Variants in WNK2 observed in about 807,000 individuals in gnomAD.
The protein encoded by WNK2 is WNK lysine deficient protein kinase 2.
In WNK2, 67 loss-of-function variants were observed where a neutral mutation model predicts 192.1. That is an observed-to-expected ratio of 0.35 (90% CI 0.29 to 0.43). The LOEUF is 0.43. Ranked by LOEUF, WNK2 falls within the 20% of genes least tolerant of loss-of-function variation. The pLI, the probability that WNK2 is intolerant of heterozygous loss-of-function variation, is 1.00. For missense variants in WNK2, 2,698 were observed against 3,089.7 expected (o/e 0.87, Z 3.01); for synonymous variants, 1,439 against 1,393.9 (o/e 1.03, Z -0.72).
In WNK2 at chr9:93,184,248, G is replaced by T. The variant is rs1828843382; in HGVS notation, c.-140G>T. On this transcript the variant is annotated 5_prime_UTR_variant, in exon 1 of 30. The change creates a new upstream start codon in the 5' untranslated region. Coordinates refer to ENST00000427277, the MANE Select transcript of WNK2 (RefSeq NM_006648.4). ...GCCCGGCCCGAGAGAGCAGCGCGCA[G>T]GAGCTGGAGCGGCGCCACGGCCCCC... Among the ~76,000 whole-genome samples, 2 of 150,800 alleles carry T rather than the reference G, an allele frequency of 1.3e-5. No individual in the cohort carries two copies. The highest frequency in any genetic ancestry group is 4.1e-4 in the South Asian group (2 of 4,830).
rs1250696951 is a variant in WNK2, at chr9:93,229,789, G to A, written c.775G>A (p.Asp259Asn). ...GCACCCCAACATCGTGCGCTTCTAC[G>A]ACTTCTGGGAGTCCAGCGCCAAGGG... ...LQHPNIVRFY[D>N]FWESSAKGKR... Residue 259 changes from aspartate (D) to asparagine (N), a missense_variant, in exon 3 of 30, where the codon GAC becomes AAC. Physicochemically the swap from Asp to Asn is conservative, Grantham distance 23. Coordinates refer to ENST00000427277, the MANE Select transcript of WNK2 (RefSeq NM_006648.4). This position sits in a 1 kb window ranked among gnomAD's most constrained non-coding sequence, Gnocchi z 4.9. The A allele has an allele frequency of 6.2e-7, 1 of 1,613,948 alleles. No individual in the cohort carries two copies. Among genetic ancestry groups the A allele is most frequent in the Non-Finnish European group, 8.5e-7 (1 of 1,179,872 alleles).
chr9:93,218,582 A>T (rs1391862311), intron 2 of WNK2, among the ~76,000 whole-genome samples: 1 of 151,970 alleles, frequency 6.6e-6, no homozygotes, highest in Non-Finnish European at 1.5e-5. Context: ...CCCCATTTTC[A>T]TTTCATCCTG....
At chr9:93,255,223 G>A (rs1042697880) in intron 9 of WNK2, among the ~76,000 whole-genome samples, 2 of 152,234 alleles carry the variant, frequency 1.3e-5, no homozygotes, top group Admixed American at 1.3e-4. Context: ...TTCCTGGGAT[G>A]GTTGCCATGG....
intron 19 of WNK2, among the ~76,000 whole-genome samples, chr9:93,274,562 A>G (rs949445949): frequency 1.3e-5 from 2 of 151,962 alleles, no homozygotes; most frequent in African/African-American, 2.4e-5. Context: ...TAAAAGACCA[A>G]TATCAGGAAT....
At chr9:93,226,368 TC>T (rs1837820061) in intron 2 of WNK2, among the ~76,000 whole-genome samples, 1 of 152,272 alleles carries the variant, frequency 6.6e-6, no homozygotes, top group African/African-American at 2.4e-5. Flanking sequence ...TAGTTTGACT[TC>T]CAGGCAGTTC....
At chr9:93,231,235 G>A (rs1322964228) in intron 4 of WNK2, 127 bp downstream of exon 4, 36 of 906,836 alleles carry the variant, frequency 4.0e-5, no homozygotes, top group South Asian at 6.2e-5. Context: ...GTCTGGGCAC[G>A]GGAGCCTCGG....
At chr9:93,320,338 A>C (rs1017189012) in intron 29 of WNK2, 29 bp from the exon 30 acceptor site, 1 of 1,367,252 alleles carries the variant, frequency 7.3e-7, no homozygotes, top group Non-Finnish European at 9.8e-7. Flanking sequence ...CGGTGGGCCC[A>C]CAGTCAGCTG....
At chr9:93,271,494 A>G (rs931759972) in intron 19 of WNK2, among the ~76,000 whole-genome samples, 4 of 152,270 alleles carry the variant, frequency 2.6e-5, no homozygotes, top group Non-Finnish European at 4.4e-5. Context: ...AATATAACTG[A>G]AAAAGCAATG....
intron 12 of WNK2, among the ~76,000 whole-genome samples, chr9:93,260,977 T>C (rs541054072): frequency 2.6e-5 from 4 of 152,276 alleles, no homozygotes; most frequent in Admixed American, 2.6e-4. Context: ...ACTGCCAGAC[T>C]CAGTGGCTGT....
At chr9:93,203,995 G>A (rs80291457) in intron 2 of WNK2, among the ~76,000 whole-genome samples, 4,645 of 152,214 alleles carry the variant, frequency 0.031, 107 homozygotes, top group Non-Finnish European at 0.05. Flanking sequence ...TGATGGGGCT[G>A]CGGGATGGCA....
At chr9:93,192,054 G>A (rs1830423378) in intron 2 of WNK2, among the ~76,000 whole-genome samples, 2 of 151,174 alleles carry the variant, frequency 1.3e-5, no homozygotes, top group Admixed American at 1.3e-4. Flanking sequence ...GGTGGCTCAT[G>A]CCTGTAATCC....
rs527809284 is a variant in WNK2, at chr9:93,184,887, G to C, written c.-2-41G>C. On this transcript the variant is annotated intron_variant, in intron 1 of 29. Coordinates refer to ENST00000427277, the MANE Select transcript of WNK2 (RefSeq NM_006648.4). ...TCCGGCGGCCTGGGCAGGTGCGGCAGGGCCGGCGCTCACGCGGGCCTGTGT... is the reference window on the plus strand; with the variant it reads ...TCCGGCGGCCTGGGCAGGTGCGGCACGGCCGGCGCTCACGCGGGCCTGTGT... The C allele has an allele frequency of 6.0e-5, 73 of 1,219,444 alleles. No homozygotes were observed. The South Asian group carries it at 2.4e-3, about 39-fold the overall frequency. 75.5% of individuals were successfully genotyped at this position (1,219,444 alleles called of 1,614,324 possible).
rs1845973894 is a variant in WNK2, at chr9:93,271,292, C to T, written c.4033+2546C>T. 2.0e-5 allele frequency among the ~76,000 whole-genome samples: 3 copies of T among 152,314 alleles called. No individual in the cohort carries two copies. The South Asian group carries it at 6.2e-4, about 32-fold the overall frequency. ...CTACTGAAGCAAAAATATTAACATT[C>T]ATCATAAGGTTTAAACAAGTCTCAG... On this transcript the variant is annotated intron_variant, in intron 19 of 29. Transcript: ENST00000427277.
intron 2 of WNK2, among the ~76,000 whole-genome samples, chr9:93,211,929 CTCAT>C (rs1256745724): frequency 1.3e-5 from 2 of 152,060 alleles, no homozygotes; most frequent in East Asian, 3.9e-4. Context: ...CACTCATCTA[CTCAT>C]TCACTCACTC....
chr9:93,195,603 G>A (rs891261901), intron 2 of WNK2, among the ~76,000 whole-genome samples: 2 of 143,938 alleles, frequency 1.4e-5, no homozygotes, highest in Non-Finnish European at 3.0e-5. Context: ...GGAGGCTGAG[G>A]CATTAGAATC....
chr9:93,228,916 C>A (rs1310051140), intron 2 of WNK2, among the ~76,000 whole-genome samples: 1 of 152,012 alleles, frequency 6.6e-6, no homozygotes, highest in Non-Finnish European at 1.5e-5. Context: ...GGAGATTGGG[C>A]AGGCGGCGGG....
In WNK2 at chr9:93,257,903, G is replaced by A. The variant is rs768560729; in HGVS notation, c.2382+764G>A. On this transcript the variant is annotated intron_variant, in intron 11 of 29. Coordinates refer to ENST00000427277, the MANE Select transcript of WNK2 (RefSeq NM_006648.4). This position sits in a 1 kb window ranked among gnomAD's most constrained non-coding sequence, Gnocchi z 4.7. ...CATTGCCCAGGTAAATGGCATGGAG[G>A]ATTCTAGGTACTCCCGAGGGCTTCG... 4.6e-5 allele frequency among the ~76,000 whole-genome samples: 7 copies of A among 152,254 alleles called. No individual in the cohort carries two copies. Among genetic ancestry groups the A allele is most frequent in the Non-Finnish European group, 8.8e-5 (6 of 68,048 alleles).
intron 2 of WNK2, among the ~76,000 whole-genome samples, chr9:93,215,274 G>C (rs1835538622): frequency 6.6e-6 from 1 of 152,034 alleles, no homozygotes; most frequent in Non-Finnish European, 1.5e-5. Flanking sequence ...ACCATGCCCA[G>C]CTGATTTTTG....
intron 28 of WNK2, among the ~76,000 whole-genome samples, chr9:93,313,913 A>G (rs1322900248): frequency 3.3e-5 from 5 of 152,146 alleles, no homozygotes. Context: ...GGATTGATTG[A>G]GTCCAGGAGT....
Sources: gnomAD v4.1 joint callset for allele counts (sites outside exome capture counted in the v4.1 genomes callset) on GRCh38, gnomAD v4.1.1 for gene constraint, Gnocchi (gnomAD v3.1) non-coding constraint, MANE v1.5 for transcripts, NCBI Gene and HGNC (gene_info 2026-07-23, HGNC 2026-07-21) for gene names.